Variants in TTPAL observed in about 807,000 individuals in gnomAD.
TTPAL encodes the protein alpha tocopherol transfer protein like.
Under a neutral mutation model 28.7 loss-of-function variants are expected in TTPAL, and 21 were observed. That is an observed-to-expected ratio of 0.73 (90% CI 0.52 to 1.06). The LOEUF is 1.06. Among genes scored for constraint, TTPAL ranks in the 50% least tolerant of loss-of-function variants. The probability of loss-of-function intolerance (pLI) is 0.00; values close to 1 mark genes in which losing one functional copy is unlikely to be tolerated. For synonymous variants in TTPAL, 169 were observed against 171.9 expected, an observed-to-expected ratio of 0.98 and a Z score of 0.13; for missense variants, 345 against 425.5, an observed-to-expected ratio of 0.81 and a Z score of 1.67.
Position 44,492,146 on chromosome 20 carries a change from G to A in TTPAL, c.*2605G>A, listed in dbSNP as rs1184292401. ...AACTTGAACCAAGCTGTGAAACCAA[G>A]ACCTCCCTGCGTGAAAATCAAGGTG... On this transcript the variant is annotated 3_prime_UTR_variant, in exon 5 of 5. Coordinates refer to ENST00000262605, the MANE Select transcript of TTPAL (RefSeq NM_001039199.3). 1.3e-5 allele frequency: 2 copies of A among 152,296 alleles called. No individual in the cohort carries two copies. Among genetic ancestry groups the A allele is most frequent in the African/African-American group, 4.8e-5 (2 of 41,432 alleles). 9.4% of individuals were successfully genotyped at this position (152,296 alleles called of 1,614,324 possible).
chr20:44,477,552 G>A (rs2064055665), intron 1 of TTPAL, among the ~76,000 whole-genome samples: 1 of 152,004 alleles, frequency 6.6e-6, no homozygotes, highest in Non-Finnish European at 1.5e-5. Context: ...GCCTCTAAAT[G>A]GTCTGCTTCA....
In TTPAL at chr20:44,489,445, C is replaced by T. The variant is rs2064183966; in HGVS notation, c.933C>T (p.Ile311=). 1.2e-6 allele frequency: 2 copies of T among 1,614,100 alleles called. No homozygotes were observed. The highest frequency in any genetic ancestry group is 1.7e-6 in the Non-Finnish European group (2 of 1,180,046). ...AACCTGTTCCTGCCTGTGACAGCAT[C>T]CTGGGCCAGACGCTGCTGCCCGAGG... ...FCQPVPACDS[I]LGQTLLPEGL... Residue 311 remains isoleucine (I), a synonymous_variant, in exon 5 of 5, where the codon ATC becomes ATT. Transcript: ENST00000262605.
intron 2 of TTPAL, 83 bp from the exon 3 acceptor site, chr20:44,484,254 G>A (rs935743511): frequency 7.3e-5 from 70 of 960,912 alleles, no homozygotes; most frequent in Non-Finnish European, 1.0e-4. Context: ...TGAAACAACA[G>A]TGATAGAAAG....
At chr20:44,487,740 T>C (rs917942127) in intron 4 of TTPAL, among the ~76,000 whole-genome samples, 1 of 152,142 alleles carries the variant, frequency 6.6e-6, no homozygotes, top group Non-Finnish European at 1.5e-5. Context: ...CCTAGGAAGG[T>C]CACTGCAAAG....
intron 1 of TTPAL, 52 bp downstream of exon 1, chr20:44,476,043 C>T (rs915252952): frequency 6.6e-6 from 1 of 152,294 alleles, no homozygotes; most frequent in Admixed American, 6.5e-5. Flanking sequence ...GAGAGGGACC[C>T]CTGAGAGGGA....
At chr20:44,487,103 A>G (rs150759863) in intron 4 of TTPAL, among the ~76,000 whole-genome samples, 6,326 of 152,176 alleles carry the variant, frequency 0.042, 174 homozygotes, top group Non-Finnish European at 0.057. Flanking sequence ...CAACATGGTG[A>G]AACCCCGACT....
intron 3 of TTPAL, among the ~76,000 whole-genome samples, chr20:44,484,780 G>A (rs1052877790): frequency 2.0e-5 from 3 of 152,190 alleles, no homozygotes; most frequent in Non-Finnish European, 4.4e-5. Flanking sequence ...TTTGCTTGTT[G>A]CCTTTTCTTG....
At chr20:44,477,757 C>G (rs144232506) in intron 1 of TTPAL, among the ~76,000 whole-genome samples, 2 of 151,982 alleles carry the variant, frequency 1.3e-5, no homozygotes, top group Non-Finnish European at 2.9e-5. Context: ...TGGTTTCAAG[C>G]GATTATCCTG....
intron 1 of TTPAL, among the ~76,000 whole-genome samples, chr20:44,479,469 G>GC (rs2064081433): frequency 7.0e-6 from 1 of 142,472 alleles, no homozygotes; most frequent in Admixed American, 7.4e-5. Flanking sequence ...CGCCATCTCG[G>GC]CTCACTGCAA....
In TTPAL at chr20:44,489,617, C is replaced by A; in HGVS notation, c.*76C>A. On this transcript the variant is annotated 3_prime_UTR_variant, in exon 5 of 5. Coordinates refer to ENST00000262605, the MANE Select transcript of TTPAL (RefSeq NM_001039199.3). Reference sequence around the variant, plus strand: ...GAGGCACAAGGAGAATTTAAGGGTCCATGGATTCAGTCTTGCTCCTTGTAA... The same window carrying A: ...GAGGCACAAGGAGAATTTAAGGGTCAATGGATTCAGTCTTGCTCCTTGTAA... The A allele has an allele frequency of 6.9e-7, 1 of 1,452,544 alleles. No homozygotes were observed. Among genetic ancestry groups the A allele is most frequent in the African/African-American group, 1.4e-5 (1 of 71,206 alleles). The allele number at this position is 1,452,544 out of a possible 1,614,324, so 90.0% of individuals were successfully genotyped here.
At chr20:44,478,265 G>C (rs2064064545) in intron 1 of TTPAL, among the ~76,000 whole-genome samples, 1 of 152,264 alleles carries the variant, frequency 6.6e-6, no homozygotes, top group South Asian at 2.1e-4. Flanking sequence ...GCCACTGGCA[G>C]TGATGCAGAT....
chr20:44,486,912 C>A (rs1310079532), intron 4 of TTPAL, among the ~76,000 whole-genome samples: 1 of 152,146 alleles, frequency 6.6e-6, no homozygotes, highest in Non-Finnish European at 1.5e-5. Flanking sequence ...GTAGAGAGAG[C>A]AGAACCAGGA....
In TTPAL at chr20:44,489,688, C is replaced by T. The variant is rs2064187232; in HGVS notation, c.*147C>T. 1 of 849,048 alleles carries T rather than the reference C, an allele frequency of 1.2e-6. No individual in the cohort carries two copies. Among genetic ancestry groups the T allele is most frequent in the Non-Finnish European group, 1.8e-6 (1 of 566,214 alleles). The allele number at this position is 849,048 out of a possible 1,614,324, so 52.6% of individuals were successfully genotyped here. ...ACAGCCTGAGATATGAGCATGAGCC[C>T]ATTTTGGGGTAAGCCTTTGGTTACT... On this transcript the variant is annotated 3_prime_UTR_variant, in exon 5 of 5. Transcript: ENST00000262605.
chr20:44,476,358 C>G (rs1171587899), intron 1 of TTPAL, among the ~76,000 whole-genome samples: 1 of 152,216 alleles, frequency 6.6e-6, no homozygotes, highest in African/African-American at 2.4e-5. Context: ...TGACTGAGTC[C>G]TGCTGAGCGC....
chr20:44,489,295 C>G lies in TTPAL; in HGVS notation c.783C>G (p.Leu261=). ...TCCATGGGTCTGACTTGAACTCTCT[C>G]CACACAAACCTTCCAAGAAGCATCC... ...FFLHGSDLNS[L]HTNLPRSILP... Residue 261 remains leucine (L), a synonymous_variant, in exon 5 of 5, where the codon CTC becomes CTG. Coordinates refer to ENST00000262605, the MANE Select transcript of TTPAL (RefSeq NM_001039199.3). 6.2e-7 allele frequency: 1 copy of G among 1,614,186 alleles called. No individual in the cohort carries two copies.
At chr20:44,479,793 T>C (rs1006961854) in intron 1 of TTPAL, among the ~76,000 whole-genome samples, 192 bp from the exon 2 acceptor site, 1 of 152,200 alleles carries the variant, frequency 6.6e-6, no homozygotes, top group African/African-American at 2.4e-5. Flanking sequence ...CCTGCCTCCC[T>C]GGGGACTAAC....
In TTPAL at chr20:44,478,075, C is replaced by A. The variant is rs570004877; in HGVS notation, c.-15-1910C>A. 5.9e-5 allele frequency among the ~76,000 whole-genome samples: 9 copies of A among 152,300 alleles called. 1 individual carries two copies. The South Asian group carries it at 1.2e-3, about 21-fold the overall frequency. On this transcript the variant is annotated intron_variant, in intron 1 of 4. Transcript: ENST00000262605. ...TCGAGGTTGCAGAGAGCTATGATTGCGCCACTGCACTTCAGCCTGGGTGAC... is the reference window on the plus strand; with the variant it reads ...TCGAGGTTGCAGAGAGCTATGATTGAGCCACTGCACTTCAGCCTGGGTGAC...
intron 4 of TTPAL, among the ~76,000 whole-genome samples, chr20:44,488,150 T>C (rs548640478): frequency 6.6e-6 from 1 of 152,322 alleles, no homozygotes; most frequent in African/African-American, 2.4e-5. Flanking sequence ...TCCAGATTCC[T>C]AGGCTCTTTC....
At chr20:44,488,273 T>C (rs1364653919) in intron 4 of TTPAL, among the ~76,000 whole-genome samples, 2 of 152,218 alleles carry the variant, frequency 1.3e-5, no homozygotes, top group Admixed American at 6.5e-5. Flanking sequence ...CCTGACTGTA[T>C]GTGAACCCAT....
Sources: allele counts gnomAD v4.1 joint callset (sites outside exome capture counted in the v4.1 genomes callset), GRCh38; gene constraint gnomAD v4.1.1; transcripts MANE v1.5; gene names NCBI Gene and HGNC (gene_info 2026-07-23, HGNC 2026-07-21).